Variants in RPH3A observed in about 807,000 individuals in gnomAD.
The protein encoded by RPH3A is rabphilin 3A, also known as rabphilin-3A.
In RPH3A, 48 loss-of-function variants were observed where a neutral mutation model predicts 102.2. The ratio of observed to expected loss-of-function variants is 0.47; its 90% CI spans 0.37 to 0.60. The LOEUF is 0.60. Among genes scored for constraint, RPH3A ranks in the 20% least tolerant of loss-of-function variants. RPH3A has a pLI of 0.00. For missense variants in RPH3A, 781 were observed against 910.1 expected (o/e 0.86, Z 1.83); for synonymous variants, 310 against 324.3 (o/e 0.96, Z 0.47).
chr12:112,713,690 C>T (rs1030089106), intron 1 of RPH3A, among the ~76,000 whole-genome samples: 1 of 152,158 alleles, frequency 6.6e-6, no homozygotes, highest in Admixed American at 6.5e-5. Context: ...CTGGCAGTGT[C>T]TGGCATATGG....
At chr12:112,665,229 T>C (rs1322653565) in intron 1 of RPH3A, among the ~76,000 whole-genome samples, 2 of 152,200 alleles carry the variant, frequency 1.3e-5, no homozygotes, top group Admixed American at 6.5e-5. Flanking sequence ...CAGACCAAGA[T>C]GGCCTCCAAC....
chr12:112,720,792 A>T (rs887168267), intron 1 of RPH3A, among the ~76,000 whole-genome samples: 1 of 152,216 alleles, frequency 6.6e-6, no homozygotes, highest in African/African-American at 2.4e-5. Flanking sequence ...AGCAAGTCAG[A>T]GCACATGGTT....
intron 1 of RPH3A, chr12:112,650,896 T>G (rs1017904907): frequency 2.0e-5 from 3 of 152,018 alleles, no homozygotes; most frequent in Admixed American, 6.6e-5. Context: ...ACCTGGCTAA[T>G]TTTTTAATGT....
At chr12:112,636,859 C>A (rs1358907165) in intron 1 of RPH3A, among the ~76,000 whole-genome samples, 2 of 152,138 alleles carry the variant, frequency 1.3e-5, no homozygotes, top group African/African-American at 4.8e-5. Context: ...CTAGCTCAGG[C>A]ACCCTACCCC....
At chr12:112,886,163 A>G (rs2042999521) in intron 16 of RPH3A, among the ~76,000 whole-genome samples, 1 of 152,166 alleles carries the variant, frequency 6.6e-6, no homozygotes, top group African/African-American at 2.4e-5. Flanking sequence ...GTACTTTTAC[A>G]GTCCCTTCCT....
At chr12:112,779,519 A>G (rs1019806789) in intron 1 of RPH3A, among the ~76,000 whole-genome samples, 2 of 152,236 alleles carry the variant, frequency 1.3e-5, no homozygotes, top group African/African-American at 4.8e-5. Context: ...TTCATACAGT[A>G]TCATATAGAT....
intron 1 of RPH3A, among the ~76,000 whole-genome samples, chr12:112,604,713 G>A (rs141206468): frequency 1.3e-3 from 195 of 152,318 alleles, no homozygotes; most frequent in Non-Finnish European, 2.2e-3. Flanking sequence ...CCTCTCATGA[G>A]GTTGTAGTCA....
chr12:112,869,701 C>T (rs528240437), intron 8 of RPH3A, 58 bp from the exon 9 acceptor site: 1,339 of 1,548,766 alleles, frequency 8.6e-4, no homozygotes, highest in Non-Finnish European at 1.1e-3. Context: ...TCTTAAGTAC[C>T]GGTTTTCCAG....
chr12:112,760,836 C>T (rs1347023443), intron 1 of RPH3A, among the ~76,000 whole-genome samples: 1 of 152,202 alleles, frequency 6.6e-6, no homozygotes, highest in African/African-American at 2.4e-5. Context: ...CTGCATCCTT[C>T]TCAACACAGT....
chr12:112,753,272 G>A (rs1219534714), intron 1 of RPH3A, among the ~76,000 whole-genome samples: 25 of 152,138 alleles, frequency 1.6e-4, no homozygotes, highest in Non-Finnish European at 1.5e-5. Flanking sequence ...TAATCCCCAA[G>A]TTTCAAATTT....
At chr12:112,865,900 T>C (rs1323317375) in intron 6 of RPH3A, among the ~76,000 whole-genome samples, 1 of 152,252 alleles carries the variant, frequency 6.6e-6, no homozygotes, top group East Asian at 1.9e-4. Context: ...CACATGTTTA[T>C]ACTTGTGTGT....
intron 1 of RPH3A, among the ~76,000 whole-genome samples, chr12:112,737,018 G>A (rs903115027): frequency 2.0e-5 from 3 of 151,962 alleles, no homozygotes; most frequent in Admixed American, 6.6e-5. Flanking sequence ...ATCTGGGCAT[G>A]GTGGTGCACA....
At chr12:112,749,279 C>T (rs1214676162) in intron 1 of RPH3A, among the ~76,000 whole-genome samples, 6 of 152,146 alleles carry the variant, frequency 3.9e-5, no homozygotes, top group East Asian at 1.9e-4. Flanking sequence ...TTGTTGATTT[C>T]GTCAGTGTTC....
At chr12:112,596,348 C>T (rs933237246) in intron 1 of RPH3A, among the ~76,000 whole-genome samples, 6 of 151,920 alleles carry the variant, frequency 3.9e-5, no homozygotes, top group African/African-American at 1.5e-4. Flanking sequence ...CATGATGTTG[C>T]CTAGGTCATA....
chr12:112,611,483 T>C (rs1790920331), intron 1 of RPH3A, among the ~76,000 whole-genome samples: 1 of 152,154 alleles, frequency 6.6e-6, no homozygotes, highest in South Asian at 2.1e-4. Context: ...TTGTTTTTTT[T>C]TCGGGAGTAC....
chr12:112,640,751 G>A (rs2039882958), intron 1 of RPH3A, among the ~76,000 whole-genome samples: 1 of 152,132 alleles, frequency 6.6e-6, no homozygotes, highest in South Asian at 2.1e-4. Flanking sequence ...TCTCTAGGGG[G>A]CATGGAGTGG....
intron 1 of RPH3A, among the ~76,000 whole-genome samples, chr12:112,601,278 C>T (rs1216512144): frequency 2.0e-5 from 3 of 152,190 alleles, no homozygotes; most frequent in African/African-American, 7.2e-5. Context: ...TTAACCCTTA[C>T]AGCAGTCCTT....
At chr12:112,595,611 T>A (rs2039510881) in intron 1 of RPH3A, among the ~76,000 whole-genome samples, 1 of 152,086 alleles carries the variant, frequency 6.6e-6, no homozygotes, top group Non-Finnish European at 1.5e-5. Context: ...GGACCGTCAT[T>A]CAACCCCACC....
At chr12:112,606,362 A>T (rs2039596632) in intron 1 of RPH3A, among the ~76,000 whole-genome samples, 1 of 152,070 alleles carries the variant, frequency 6.6e-6, no homozygotes, top group Non-Finnish European at 1.5e-5. Context: ...GGCAATTTAT[A>T]AAGAAAATAG....
Sources: allele counts gnomAD v4.1 joint callset (sites outside exome capture counted in the v4.1 genomes callset), GRCh38; gene constraint gnomAD v4.1.1; transcripts MANE v1.5; gene names NCBI Gene and HGNC (gene_info 2026-07-23, HGNC 2026-07-21).